Variants in CTH observed in about 807,000 individuals in gnomAD.
CTH encodes cystathionase (cystathionine gamma-lyase).
Under a neutral mutation model 50.6 loss-of-function variants are expected in CTH, and 41 were observed. The observed-to-expected ratio is 0.81, with a 90% CI of 0.63 to 1.05. The LOEUF (loss-of-function observed/expected upper bound fraction) is 1.05. CTH is among the 50% of genes least tolerant of loss of function. The pLI is 0.00. For missense variants in CTH, 470 were observed against 492.6 expected, an observed-to-expected ratio of 0.95 and a Z score of 0.43; for synonymous variants, 156 against 168.9, an observed-to-expected ratio of 0.92 and a Z score of 0.59.
At chr1:70,428,977 G>A (rs976408768) in intron 5 of CTH, among the ~76,000 whole-genome samples, 3 of 152,014 alleles carry the variant, frequency 2.0e-5, no homozygotes, top group Admixed American at 2.0e-4. Flanking sequence ...CTGAAGTGCA[G>A]CGGCTTGATC....
In CTH at chr1:70,439,525, T is replaced by C; in HGVS notation, c.*398T>C. ...ATGTTCTTAAATCAAGTGTGATTTT[T>C]TTGCATATCATTGAAAAGAACATTA... is the stretch of plus-strand genomic sequence containing the variant. On this transcript the variant is annotated 3_prime_UTR_variant, in exon 12 of 12. Transcript: ENST00000370938. The C allele has an allele frequency of 5.0e-6, 1 of 200,442 alleles. No individual in the cohort carries two copies. The highest frequency in any genetic ancestry group is 9.4e-5 in the South Asian group (1 of 10,614). 12.4% of individuals were successfully genotyped at this position (200,442 alleles called of 1,614,324 possible). A position where few individuals can be genotyped will look rare whatever the true frequency, so the allele number is the denominator to read the frequency against.
chr1:70,419,756 G>C (rs1456060660), intron 3 of CTH, among the ~76,000 whole-genome samples: 1 of 152,154 alleles, frequency 6.6e-6, no homozygotes, highest in Non-Finnish European at 1.5e-5. Flanking sequence ...TATTTAAAGT[G>C]GTGAATGTGG....
At chr1:70,415,389 G>A (rs1424950473) in intron 1 of CTH, among the ~76,000 whole-genome samples, 1 of 151,842 alleles carries the variant, frequency 6.6e-6, no homozygotes, top group Non-Finnish European at 1.5e-5. Flanking sequence ...GGGCAACAGA[G>A]TGAGGTCCTA....
chr1:70,425,955 C>A (rs1684338269), intron 5 of CTH, among the ~76,000 whole-genome samples: 1 of 152,114 alleles, frequency 6.6e-6, no homozygotes, highest in African/African-American at 2.4e-5. Context: ...CCCTAATCAC[C>A]TCCCAAAGGC....
In CTH at chr1:70,411,321, G is replaced by C. The variant is rs1683955457; in HGVS notation, c.-95G>C. 1.5e-6 allele frequency: 2 copies of C among 1,303,740 alleles called. No individual in the cohort carries two copies. Among genetic ancestry groups the C allele is most frequent in the Admixed American group, 3.4e-5 (2 of 59,618 alleles). 80.8% of individuals were successfully genotyped at this position (1,303,740 alleles called of 1,614,324 possible). A position where few individuals can be genotyped will look rare whatever the true frequency, so the allele number is the denominator to read the frequency against. ...TACCTGCGTGCTTTAGCTCCTTCTC[G>C]CCTGATCCTTCTGTCTCTCCCAACC... On this transcript the variant is annotated 5_prime_UTR_variant, in exon 1 of 12. Coordinates refer to ENST00000370938, the MANE Select transcript of CTH (RefSeq NM_001902.6).
At position 70,411,448 on chromosome 1, in the gene CTH, C is replaced by T; in HGVS notation, c.33C>T (p.Phe11=). Residue 11 remains phenylalanine (F), a synonymous_variant, in exon 1 of 12, where the codon TTC becomes TTT. Coordinates refer to ENST00000370938, the MANE Select transcript of CTH (RefSeq NM_001902.6). MQEKDASSQG[F]LPHFQHFATQ... Reference sequence around the variant, plus strand: ...AAAAAGACGCCTCCTCACAAGGTTTCCTGCCACACTTCCAACATTTCGCCA... The same window carrying T: ...AAAAAGACGCCTCCTCACAAGGTTTTCTGCCACACTTCCAACATTTCGCCA... The T allele has an allele frequency of 6.2e-7, 1 of 1,614,184 alleles. No individual in the cohort carries two copies.
intron 5 of CTH, among the ~76,000 whole-genome samples, chr1:70,424,945 C>T (rs1026796026): frequency 2.0e-5 from 3 of 151,920 alleles, no homozygotes; most frequent in East Asian, 1.9e-4. Context: ...AAAAAGCTTA[C>T]GAGTTCTCTT....
chr1:70,411,914 G>A (rs1683975070), intron 1 of CTH, among the ~76,000 whole-genome samples: 2 of 152,214 alleles, frequency 1.3e-5, no homozygotes, highest in East Asian at 3.8e-4. Context: ...TTTTAAAGAT[G>A]TAGTACGGAG....
chr1:70,429,763 C>A (rs773402430), intron 5 of CTH, 31 bp from the exon 6 acceptor site: 208 of 1,528,544 alleles, frequency 1.4e-4, no homozygotes, highest in Non-Finnish European at 1.3e-4. Context: ...CAAATTGTTT[C>A]TCATTTAAAG....
Position 70,411,356 on chromosome 1 carries a change from C to T in CTH, c.-60C>T. ...TCTGTCTCTCCCAACCCCGGACACC[C>T]GGCTTCGACTGGTTATATCTTCGGT... On this transcript the variant is annotated 5_prime_UTR_variant, in exon 1 of 12. Transcript: ENST00000370938. 1 of 1,590,958 alleles carries T rather than the reference C, an allele frequency of 6.3e-7. No individual in the cohort carries two copies. The highest frequency in any genetic ancestry group is 8.6e-7 in the Non-Finnish European group (1 of 1,159,022).
rs372025888 is a variant in CTH at position 70,432,101 on chromosome 1, C to T, written c.743C>T (p.Ser248Phe). 1.2e-6 allele frequency: 2 copies of T among 1,613,986 alleles called. No homozygotes were observed. The highest frequency in any genetic ancestry group is 2.7e-5 in the African/African-American group (2 of 74,928). The change falls in exon 8 of 12, where the codon TCT (serine) becomes TTT (phenylalanine). Residue 248 changes from serine (S) to phenylalanine (F), a missense_variant. Coordinates refer to ENST00000370938, the MANE Select transcript of CTH (RefSeq NM_001902.6). ...FLQNSLGAVP[S>F]PIDCYLCNRG... is the part of the protein sequence containing the mutation. The stretch of plus-strand genomic sequence containing the variant: ...TTTGCAGCTCTTGGAGCAGTTCCAT[C>T]TCCTATTGATTGTTACCTCTGCAAT...
chr1:70,418,133 T>G (rs1684133550), intron 3 of CTH, 101 bp downstream of exon 3: 6 of 1,386,550 alleles, frequency 4.3e-6, no homozygotes, highest in Middle Eastern at 3.8e-4. Context: ...TTTTTGATTA[T>G]TTATTATAGT....
chr1:70,421,509 A>G, intron 3 of CTH, 57 bp from the exon 4 acceptor site: 1 of 1,550,642 alleles, frequency 6.4e-7, no homozygotes, highest in Non-Finnish European at 8.9e-7. Flanking sequence ...CATAGAAGGA[A>G]TGAATGTTTC....
intron 9 of CTH, chr1:70,434,773 G>C (rs74412011): frequency 8.2e-6 from 1 of 122,288 alleles, no homozygotes; most frequent in Non-Finnish European, 1.7e-5. Flanking sequence ...TTTTTTTTTA[G>C]GCAGAGTTTC....
At chr1:70,423,356 G>A (rs1684269519) in intron 4 of CTH, among the ~76,000 whole-genome samples, 1 of 150,600 alleles carries the variant, frequency 6.6e-6, no homozygotes, top group African/African-American at 2.4e-5. Flanking sequence ...AGGATCACTT[G>A]AACCAGGAGT....
Position 70,434,693 on chromosome 1 carries a change from T to G in CTH, c.1000-432T>G, listed in dbSNP as rs72921081. 5.0e-3 allele frequency among the ~76,000 whole-genome samples: 754 copies of G among 151,966 alleles called. 6 individuals carry two copies. The highest frequency in any genetic ancestry group is 0.018 in the African/African-American group (727 of 41,436). ...AAGTATGTATAACTTGGGAAGCATT[T>G]AGAGATTTTTTTATTTAAGTGGTAA... On this transcript the variant is annotated intron_variant, in intron 9 of 11. Coordinates refer to ENST00000370938, the MANE Select transcript of CTH (RefSeq NM_001902.6).
intron 1 of CTH, among the ~76,000 whole-genome samples, chr1:70,412,435 A>G (rs765238371): frequency 6.6e-6 from 1 of 152,148 alleles, no homozygotes; most frequent in Non-Finnish European, 1.5e-5. Context: ...GTGAAACCCC[A>G]TCTCTACTAA....
At chr1:70,422,609 CTT>C (rs57429096) in intron 4 of CTH, among the ~76,000 whole-genome samples, 161 of 127,144 alleles carry the variant, frequency 1.3e-3, no homozygotes, top group African/African-American at 4.2e-3. Context: ...TGGTCTGAGT[CTT>C]TTTTTTTTTT....
intron 8 of CTH, among the ~76,000 whole-genome samples, chr1:70,432,966 G>A (rs773036225): frequency 2.0e-5 from 3 of 151,036 alleles, no homozygotes; most frequent in Non-Finnish European, 3.0e-5. Context: ...TTACAGGCGT[G>A]AGCCACTACG....
Sources: gnomAD v4.1 joint callset for allele counts (sites outside exome capture counted in the v4.1 genomes callset) on GRCh38, gnomAD v4.1.1 for gene constraint, MANE v1.5 for transcripts, NCBI Gene and HGNC (gene_info 2026-07-23, HGNC 2026-07-21) for gene names.